The following TPGS2 variants were observed in gnomAD, a reference collection of about 807,000 sequenced individuals.
The protein encoded by TPGS2 is polyglutamylase subunit 2.
Under a neutral mutation model 31.1 loss-of-function variants are expected in TPGS2, and 26 were observed. The observed-to-expected ratio is 0.84, with a 90% CI of 0.61 to 1.16. The LOEUF is 1.16. TPGS2 is among the 50% of genes most tolerant of loss of function. TPGS2 has a pLI of 0.00. For synonymous variants in TPGS2, 130 were observed against 136.6 expected, an observed-to-expected ratio of 0.95 and a Z score of 0.34; for missense variants, 351 against 363.8, an observed-to-expected ratio of 0.96 and a Z score of 0.29.
chr18:36,812,379 G>C (rs540730879), intron 2 of TPGS2, among the ~76,000 whole-genome samples: 1 of 152,288 alleles, frequency 6.6e-6, no homozygotes, highest in East Asian at 1.9e-4. Flanking sequence ...AGGGGCTGAA[G>C]GGTAAGTTGA....
rs115943112 is a variant in TPGS2 at position 36,805,837 on chromosome 18, G to C, written c.254-335C>G. Among the ~76,000 whole-genome samples the C allele has an allele frequency of 6.4e-3, 980 of 152,146 alleles. 15 individuals carry two copies. Among genetic ancestry groups the C allele is most frequent in the African/African-American group, 0.022 (907 of 41,484 alleles). Reference sequence around the variant, plus strand: ...GGGTAAAGGACATTAAAATGTTTTTGCTCCCTCTTTCCTTTGTTTAGCAAG... The same window carrying C: ...GGGTAAAGGACATTAAAATGTTTTTCCTCCCTCTTTCCTTTGTTTAGCAAG... On this transcript the variant is annotated intron_variant, in intron 3 of 6. Transcript: ENST00000334295.
In TPGS2 at chr18:36,800,272, CGA is replaced by C. The variant is rs2044740752; in HGVS notation, c.420_421del (p.Arg141GlnfsTer5). The C allele has an allele frequency of 6.2e-7, 1 of 1,614,074 alleles. No individual in the cohort carries two copies. Among genetic ancestry groups the C allele is most frequent in the Non-Finnish European group, 8.5e-7 (1 of 1,179,998 alleles). ...TGAATCCAGCTCAAATATCACACTG[CGA>C]GAGTCAAAGTGAGGCTTCTCTGGCT... On this transcript the variant is annotated frameshift_variant, in exon 5 of 7. Transcript: ENST00000334295. LOFTEE classifies it high-confidence loss of function.
rs980567310 is a variant in TPGS2 at position 36,828,902 on chromosome 18, G to A, written c.-135C>T. The A allele has an allele frequency of 2.6e-6, 3 of 1,145,450 alleles. No homozygotes were observed. Among genetic ancestry groups the A allele is most frequent in the African/African-American group, 3.1e-5 (2 of 64,638 alleles). 71.0% of individuals were successfully genotyped at this position (1,145,450 alleles called of 1,614,324 possible). A position where few individuals can be genotyped will look rare whatever the true frequency, so the allele number is the denominator to read the frequency against. On this transcript the variant is annotated 5_prime_UTR_variant, in exon 1 of 7. Coordinates refer to ENST00000334295, the MANE Select transcript of TPGS2 (RefSeq NM_015476.4). ...AAAGCGCGGCGCAGTGATGATGGGG[G>A]CCCGGGGTTGGTCTGACAGCAGCAG...
In TPGS2 at chr18:36,796,260, A is replaced by C; in HGVS notation, c.*545T>G. 2 of 985,496 alleles carry C rather than the reference A, an allele frequency of 2.0e-6. No homozygotes were observed. Among genetic ancestry groups the C allele is most frequent in the Non-Finnish European group, 2.4e-6 (2 of 829,964 alleles). The allele number at this position is 985,496 out of a possible 1,614,324, so 61.0% of individuals were successfully genotyped here. A position where few individuals can be genotyped will look rare whatever the true frequency, so the allele number is the denominator to read the frequency against. On this transcript the variant is annotated 3_prime_UTR_variant, in exon 7 of 7. Transcript: ENST00000334295. The stretch of plus-strand genomic sequence containing the variant: ...GGAAGAGCAGTATGAAAATATTCTA[A>C]TGCAGTGCTGTCCAACAGAACTTTC...
intron 6 of TPGS2, among the ~76,000 whole-genome samples, chr18:36,797,405 C>A (rs1393634477): frequency 6.6e-6 from 1 of 150,536 alleles, no homozygotes. Context: ...ACCAGCTACT[C>A]CCCATCAGGT....
At chr18:36,802,817 G>A (rs892466684) in intron 4 of TPGS2, among the ~76,000 whole-genome samples, 8 of 151,940 alleles carry the variant, frequency 5.3e-5, no homozygotes, top group African/African-American at 1.5e-4. Context: ...TAGTAGAGAC[G>A]GGGTTTCACC....
intron 2 of TPGS2, 134 bp downstream of exon 2, chr18:36,818,760 T>A (rs758052009): frequency 7.7e-6 from 6 of 779,816 alleles, no homozygotes; most frequent in Non-Finnish European, 1.0e-5. Context: ...AACAGGAACA[T>A]AGAAAAGGTA....
downstream of TPGS2, chr18:36,789,213 T>A (rs2044225702): frequency 1.3e-5 from 2 of 152,130 alleles, no homozygotes; most frequent in African/African-American, 4.8e-5. Flanking sequence ...TAAAAAAAAG[T>A]CTTAAGATTA....
At chr18:36,817,140 A>G (rs2045693172) in intron 2 of TPGS2, among the ~76,000 whole-genome samples, 1 of 152,174 alleles carries the variant, frequency 6.6e-6, no homozygotes, top group African/African-American at 2.4e-5. Context: ...ATGAGTGGAA[A>G]TGGAGGTGGG....
chr18:36,826,643 T>C (rs916495229), intron 1 of TPGS2, among the ~76,000 whole-genome samples: 1 of 152,154 alleles, frequency 6.6e-6, no homozygotes, highest in African/African-American at 2.4e-5. Context: ...CCCGAGACAA[T>C]AATCCTCAGA....
chr18:36,818,919 C>A lies in TPGS2; in HGVS notation c.140G>T (p.Arg47Leu). ...TTGTTCCCAGGAAGAAATCATATGA[C>A]GTTCAGCAGGAGGCTTTTCTATGAT... ...VTIIEKPPAERHMISSWEQKN... is the reference protein window; with the variant it reads ...VTIIEKPPAELHMISSWEQKN... Residue 47 changes from arginine to leucine, a missense_variant, in exon 2 of 7, where the codon CGT becomes CTT. Coordinates refer to ENST00000334295, the MANE Select transcript of TPGS2 (RefSeq NM_015476.4). The A allele has an allele frequency of 6.2e-7, 1 of 1,613,650 alleles. No individual in the cohort carries two copies. The highest frequency in any genetic ancestry group is 8.5e-7 in the Non-Finnish European group (1 of 1,179,730).
At position 36,828,859 on chromosome 18, in the gene TPGS2, G is replaced by C. The variant is rs1029281722; in HGVS notation, c.-92C>G. The C allele has an allele frequency of 2.1e-6, 3 of 1,455,492 alleles. No homozygotes were observed. Among genetic ancestry groups the C allele is most frequent in the African/African-American group, 1.4e-5 (1 of 71,670 alleles). 90.2% of individuals were successfully genotyped at this position (1,455,492 alleles called of 1,614,324 possible). The stretch of plus-strand genomic sequence containing the variant: ...GCCAATTTCATGGCATGCCGGGAAC[G>C]GTAGTTCTCGGCGCCTGAAAGCGCG... On this transcript the variant is annotated 5_prime_UTR_variant, in exon 1 of 7. Transcript: ENST00000334295.
At position 36,799,470 on chromosome 18, in the gene TPGS2, AC is replaced by A. The variant is rs139328568; in HGVS notation, c.496+727del. ...TGTACTTTCCCATGGCTTGGCTTTT[AC>A]CCATTTGTCCCTTTGCTTGGATGCT... On this transcript the variant is annotated intron_variant, in intron 5 of 6. Transcript: ENST00000334295. Among the ~76,000 whole-genome samples the A allele has an allele frequency of 7.1e-3, 1,077 of 152,108 alleles. 11 individuals are homozygous for A. The highest frequency in any genetic ancestry group is 0.024 in the Admixed American group (359 of 15,262).
At chr18:36,827,794 G>A (rs7239554) in intron 1 of TPGS2, among the ~76,000 whole-genome samples, 25,792 of 152,148 alleles carry the variant, frequency 0.17, 2,364 homozygotes, top group African/African-American at 0.22. Context: ...ACATCTCTGA[G>A]TAACAGATTA....
intron 2 of TPGS2, among the ~76,000 whole-genome samples, chr18:36,814,364 A>AATTGTGT (rs1230667729): frequency 6.6e-6 from 1 of 152,336 alleles, no homozygotes; most frequent in East Asian, 1.9e-4. Flanking sequence ...GACAAACTGA[A>AATTGTGT]ATTGTGTATT....
At chr18:36,780,324 G>T, downstream of TPGS2, 1 of 654,614 alleles carries the variant, frequency 1.5e-6, no homozygotes, top group Non-Finnish European at 2.2e-6. Context: ...TGTGTGGTTT[G>T]TTTTGCCCCA....
chr18:36,800,351 C>A, intron 4 of TPGS2, 40 bp from the exon 5 acceptor site: 1 of 1,570,604 alleles, frequency 6.4e-7, no homozygotes. Flanking sequence ...CAAACAAACT[C>A]AACTCAAACA....
chr18:36,800,792 C>G (rs1438020427), intron 4 of TPGS2, among the ~76,000 whole-genome samples: 2 of 151,814 alleles, frequency 1.3e-5, no homozygotes, highest in Non-Finnish European at 2.9e-5. Context: ...CGGGTTGAAG[C>G]AATTCTCCTA....
intron 2 of TPGS2, among the ~76,000 whole-genome samples, chr18:36,818,303 A>T (rs2045746138): frequency 6.6e-6 from 1 of 152,142 alleles, no homozygotes. Context: ...TTACATTCAT[A>T]ACAATCTATA....
Sources: allele counts gnomAD v4.1 joint callset (sites outside exome capture counted in the v4.1 genomes callset), GRCh38; gene constraint gnomAD v4.1.1; transcripts MANE v1.5; gene names NCBI Gene and HGNC (gene_info 2026-07-23, HGNC 2026-07-21).